The following EVI2B variants were observed in gnomAD, a reference collection of about 807,000 sequenced individuals.
EVI2B encodes the protein protein EVI2B.
Under a neutral mutation model 6.6 loss-of-function variants are expected in EVI2B, and 4 were observed. That is an observed-to-expected ratio of 0.61 (90% CI 0.30 to 1.39). The LOEUF is 1.39. Ranked by LOEUF, EVI2B falls within the 40% of genes most tolerant of loss-of-function variation. EVI2B has a pLI of 0.08. For synonymous variants in EVI2B, 181 were observed against 186.8 expected (o/e 0.97, Z 0.25); for missense variants, 484 against 516.6 (o/e 0.94, Z 0.61).
intron 1 of EVI2B, among the ~76,000 whole-genome samples, chr17:31,311,715 G>A (rs1212610977): frequency 6.6e-6 from 1 of 152,186 alleles, no homozygotes; most frequent in Non-Finnish European, 1.5e-5. Context: ...GAGACACCAC[G>A]ATGTTGGGTA....
chr17:31,313,719 A>T (rs866235417), intron 1 of EVI2B, among the ~76,000 whole-genome samples: 4 of 103,308 alleles, frequency 3.9e-5, no homozygotes, highest in East Asian at 4.7e-4. Flanking sequence ...AAAAAAAAAA[A>T]ATATGTGTGT....
At chr17:31,310,213 T>G (rs555452531) in intron 1 of EVI2B, among the ~76,000 whole-genome samples, 46 of 151,430 alleles carry the variant, frequency 3.0e-4, no homozygotes, top group African/African-American at 1.1e-3. Flanking sequence ...AAAAGGAGAT[T>G]TAGAATAATA....
chr17:31,307,557 A>G (rs1344443547), intron 1 of EVI2B, among the ~76,000 whole-genome samples: 1 of 152,154 alleles, frequency 6.6e-6, no homozygotes, highest in African/African-American at 2.4e-5. Context: ...AAACTTGGAG[A>G]GTTAAGTTTC....
intron 1 of EVI2B, among the ~76,000 whole-genome samples, chr17:31,307,110 C>A (rs1348792871): frequency 6.6e-6 from 1 of 152,056 alleles, no homozygotes; most frequent in African/African-American, 2.4e-5. Flanking sequence ...GCAAATTCCG[C>A]TTCCCAGGTT....
intron 1 of EVI2B, among the ~76,000 whole-genome samples, chr17:31,313,315 T>C (rs908000197): frequency 6.6e-6 from 1 of 152,214 alleles, no homozygotes; most frequent in African/African-American, 2.4e-5. Context: ...AGGTTATAAA[T>C]TCAGTCATAG....
At chr17:31,308,390 C>T (rs992524168) in intron 1 of EVI2B, among the ~76,000 whole-genome samples, 3 of 152,170 alleles carry the variant, frequency 2.0e-5, no homozygotes, top group African/African-American at 4.8e-5. Context: ...ATCTGTCCGC[C>T]TCAGCCTCCC....
chr17:31,304,409 G>A lies in EVI2B; in HGVS notation c.1201C>T (p.Leu401Phe). Residue 401 changes from leucine (L) to phenylalanine (F), a missense_variant, in exon 2 of 2, where the codon CTT becomes TTT. By Grantham distance (22) the Leu-to-Phe change is conservative. Coordinates refer to ENST00000330927, the MANE Select transcript of EVI2B (RefSeq NM_006495.4). ...IIQSFPPLDSLNLPLPPVDFM... is the reference protein window; with the variant it reads ...IIQSFPPLDSFNLPLPPVDFM... ...TCTACTGGTGGCAGGGGCAAGTTAA[G>A]TGAGTCAAGCGGTGGAAATGATTGT... 4 of 1,614,176 alleles carry A rather than the reference G, an allele frequency of 2.5e-6. No individual in the cohort carries two copies. The highest frequency in any genetic ancestry group is 3.4e-6 in the Non-Finnish European group (4 of 1,180,006).
chr17:31,305,673 A>T, intron 1 of EVI2B, 43 bp from the exon 2 acceptor site: 2 of 1,512,320 alleles, frequency 1.3e-6, no homozygotes, highest in Non-Finnish European at 1.8e-6. Flanking sequence ...GTTAGGCGTC[A>T]TTGGTGTCTA....
At chr17:31,307,643 T>G (rs1180338075) in intron 1 of EVI2B, among the ~76,000 whole-genome samples, 1 of 152,214 alleles carries the variant, frequency 6.6e-6, no homozygotes, top group Non-Finnish European at 1.5e-5. Flanking sequence ...CTCAATTGCC[T>G]TTCCTCTAAA....
At chr17:31,312,644 T>C (rs2068908900) in intron 1 of EVI2B, among the ~76,000 whole-genome samples, 1 of 152,000 alleles carries the variant, frequency 6.6e-6, no homozygotes, top group South Asian at 2.1e-4. Flanking sequence ...ACTTTATGCA[T>C]AATGAAATAA....
Position 31,305,453 on chromosome 17 carries a change from C to T in EVI2B, c.157G>A (p.Gly53Arg), listed in dbSNP as rs9903564. 2,325 of 1,614,116 alleles carry T rather than the reference C, an allele frequency of 1.4e-3. 40 individuals carry two copies. In the African/African-American group the frequency reaches 0.028, roughly 19 times the overall value. ...QVLANSQNTT[G>R]NPLGQPTQFS... The stretch of plus-strand genomic sequence containing the variant: ...TGTGTTGGTTGACCCAAAGGATTCC[C>T]TGTTGTGTTTTGAGAATTAGCCAAT... The change falls in exon 2 of 2, where the codon GGG becomes AGG. Residue 53 changes from glycine (G) to arginine (R), a missense_variant. Coordinates refer to ENST00000330927, the MANE Select transcript of EVI2B (RefSeq NM_006495.4).
chr17:31,305,470 T>G lies in EVI2B; in HGVS notation c.140A>C (p.Asn47Thr). ...FTSSMSQVLA[N>T]SQNTTGNPLG... Reference sequence around the variant, plus strand: ...AGGATTCCCTGTTGTGTTTTGAGAATTAGCCAATACCTGTGACATTGATGA... The same window carrying G: ...AGGATTCCCTGTTGTGTTTTGAGAAGTAGCCAATACCTGTGACATTGATGA... The change falls in exon 2 of 2, where the codon AAT becomes ACT. Residue 47 changes from asparagine (N) to threonine (T), a missense_variant. Transcript: ENST00000330927. 1 of 1,614,222 alleles carries G rather than the reference T, an allele frequency of 6.2e-7. No homozygotes were observed. The highest frequency in any genetic ancestry group is 8.5e-7 in the Non-Finnish European group (1 of 1,180,032).
Position 31,305,604 on chromosome 17 carries a change from A to C in EVI2B, c.6T>G (p.Asp2Glu). The C allele has an allele frequency of 3.1e-6, 5 of 1,611,416 alleles. No individual in the cohort carries two copies. Among genetic ancestry groups the C allele is most frequent in the Non-Finnish European group, 4.2e-6 (5 of 1,178,428 alleles). Residue 2 changes from aspartate to glutamate, a missense_variant, in exon 2 of 2, where the codon GAT becomes GAG. Physicochemically the swap from Asp to Glu is conservative, Grantham distance 45 (BLOSUM62 2). Coordinates refer to ENST00000330927, the MANE Select transcript of EVI2B (RefSeq NM_006495.4). M[D>E]PKYFILILFC... ...ACAAAATTAAGATGAAATATTTGGGATCCATTTCAGAATATTTCCTCGTTA... is the reference window on the plus strand; with the variant it reads ...ACAAAATTAAGATGAAATATTTGGGCTCCATTTCAGAATATTTCCTCGTTA...
rs150267160 is a variant in EVI2B, at chr17:31,305,776, A to G, written c.-21-146T>C. 17 of 714,888 alleles carry G rather than the reference A, an allele frequency of 2.4e-5. No individual in the cohort carries two copies. The Admixed American group carries it at 4.5e-4, about 19-fold the overall frequency. The allele number at this position is 714,888 out of a possible 1,614,324, so 44.3% of individuals were successfully genotyped here. ...TAGTTGATTAGTAGTTATTATTCCT[A>G]ATTTAGACTTGATACACTGTAGGTT... On this transcript the variant is annotated intron_variant, in intron 1 of 1. Transcript: ENST00000330927.
At position 31,305,350 on chromosome 17, in the gene EVI2B, G is replaced by A. The variant is rs1445121427; in HGVS notation, c.260C>T (p.Thr87Ile). The A allele has an allele frequency of 2.5e-6, 4 of 1,614,076 alleles. No homozygotes were observed. The highest frequency in any genetic ancestry group is 2.7e-5 in the African/African-American group (2 of 74,918). Residue 87 changes from threonine (T) to isoleucine (I), a missense_variant, in exon 2 of 2, where the codon ACC (threonine) becomes ATC (isoleucine). Coordinates refer to ENST00000330927, the MANE Select transcript of EVI2B (RefSeq NM_006495.4). ...TAGQPTPAVYTSSEKPEAHTS... is the reference protein window; with the variant it reads ...TAGQPTPAVYISSEKPEAHTS... ...ATGTGCTTCTGGTTTTTCAGAAGAG[G>A]TATAGACAGCTGGTGTTGGTTGTCC...
chr17:31,312,142 G>A (rs576738930), intron 1 of EVI2B, among the ~76,000 whole-genome samples: 1 of 152,138 alleles, frequency 6.6e-6, no homozygotes, highest in Non-Finnish European at 1.5e-5. Flanking sequence ...TTCCTTCTAA[G>A]TAGAATTATG....
chr17:31,313,567 G>A (rs191245612), intron 1 of EVI2B, among the ~76,000 whole-genome samples: 17 of 152,020 alleles, frequency 1.1e-4, no homozygotes, highest in Non-Finnish European at 1.6e-4. Context: ...TTAGCCAGGC[G>A]TGGTGGTGGG....
Position 31,305,060 on chromosome 17 carries a change from A to C in EVI2B, c.550T>G (p.Phe184Val). ...TTGTTACTGGTAGTATCTAAGATAA[A>C]TCCTGGTGTACTCCTAGGTGAATTT... ...VKNSPRSTPG[F>V]ILDTTSNKQT... The change falls in exon 2 of 2, where the codon TTT (phenylalanine) becomes GTT (valine). Residue 184 changes from phenylalanine to valine, a missense_variant. Coordinates refer to ENST00000330927, the MANE Select transcript of EVI2B (RefSeq NM_006495.4). 6.2e-7 allele frequency: 1 copy of C among 1,614,178 alleles called. No homozygotes were observed. The highest frequency in any genetic ancestry group is 8.5e-7 in the Non-Finnish European group (1 of 1,180,032).
intron 1 of EVI2B, among the ~76,000 whole-genome samples, chr17:31,313,579 G>C (rs1052031508): frequency 1.3e-5 from 2 of 151,724 alleles, no homozygotes; most frequent in Non-Finnish European, 2.9e-5. Flanking sequence ...GGTGGTGGGC[G>C]CCTGTAATCC....
Sources: allele counts gnomAD v4.1 joint callset (sites outside exome capture counted in the v4.1 genomes callset), GRCh38; gene constraint gnomAD v4.1.1; transcripts MANE v1.5; gene names NCBI Gene and HGNC (gene_info 2026-07-23, HGNC 2026-07-21).